The following CHD6 variants were observed in gnomAD, a reference collection of about 807,000 sequenced individuals.
The protein encoded by CHD6 is chromodomain helicase DNA binding protein 6, also known as ATP-dependent chromatin remodeler CHD6.
Under a neutral mutation model 276.9 loss-of-function variants are expected in CHD6, and 50 were observed. The ratio of observed to expected loss-of-function variants is 0.18; its 90% confidence interval spans 0.14 to 0.23. The LOEUF (loss-of-function observed/expected upper bound fraction) is 0.23, where lower values mean the gene tolerates loss of function less well. Among genes scored for constraint, CHD6 ranks in the 10% least tolerant of loss-of-function variants. The pLI is 1.00. For synonymous variants in CHD6, 1,173 were observed against 1,229.3 expected (o/e 0.95, Z 0.96); for missense variants, 2,564 against 3,365.8 (o/e 0.76, Z 5.89).
chr20:41,476,791 A>G (rs529189735), intron 16 of CHD6, among the ~76,000 whole-genome samples: 1 of 152,214 alleles, frequency 6.6e-6, no homozygotes, highest in Admixed American at 6.5e-5. Flanking sequence ...GTCTAAAAAA[A>G]TAAAGAAAGA....
At chr20:41,561,670 T>C (rs2045302876) in intron 1 of CHD6, among the ~76,000 whole-genome samples, 1 of 152,214 alleles carries the variant, frequency 6.6e-6, no homozygotes, top group African/African-American at 2.4e-5. Flanking sequence ...ATGTAAGTTT[T>C]TAAGACCTTC....
chr20:41,402,809 TAGAG>T lies in CHD6; in HGVS notation c.*1780_*1783del, dbSNP rs1360938446. On this transcript the variant is annotated 3_prime_UTR_variant, in exon 37 of 37. Transcript: ENST00000373233. ...AAAACTGAACAAAATGTTAGTTAAA[TAGAG>T]AGAGCAGCATTTCTAAGAAATCTGT... 4 of 210,020 alleles carry T rather than the reference TAGAG, an allele frequency of 1.9e-5. No homozygotes were observed. The highest frequency in any genetic ancestry group is 2.9e-5 in the Non-Finnish European group (3 of 103,452). The allele number at this position is 210,020 out of a possible 1,614,324, so 13.0% of individuals were successfully genotyped here.
chr20:41,565,651 A>AGGACAATAATTAGAT (rs1555807774), intron 1 of CHD6, among the ~76,000 whole-genome samples: 1 of 151,746 alleles, frequency 6.6e-6, no homozygotes, highest in African/African-American at 2.4e-5. Context: ...TTGACTCCGA[A>AGGACAATAATTAGAT]GTACAATAAT....
rs528807040 is a variant in CHD6, at chr20:41,489,632, A to G, written c.1680+146T>C. 3 of 983,430 alleles carry G rather than the reference A, an allele frequency of 3.1e-6. No homozygotes were observed. The South Asian group carries it at 4.5e-5, about 15-fold the overall frequency. The allele number at this position is 983,430 out of a possible 1,614,324, so 60.9% of individuals were successfully genotyped here. Reference sequence around the variant, plus strand: ...TAAATTAAAACGAGCTACCAGGGAGAGCAGGAGTCAGCCTTGACAAACATA... The same window carrying G: ...TAAATTAAAACGAGCTACCAGGGAGGGCAGGAGTCAGCCTTGACAAACATA... On this transcript the variant is annotated intron_variant, in intron 12 of 36. Coordinates refer to ENST00000373233, the MANE Select transcript of CHD6 (RefSeq NM_032221.5).
intron 1 of CHD6, among the ~76,000 whole-genome samples, chr20:41,554,187 T>G (rs1173907336): frequency 6.6e-6 from 1 of 152,030 alleles, no homozygotes. Flanking sequence ...ACTCTACCAA[T>G]GTTAATAAAA....
chr20:41,448,021 CT>C, intron 23 of CHD6, 50 bp from the exon 24 acceptor site: 1 of 1,043,606 alleles, frequency 9.6e-7, no homozygotes, highest in Non-Finnish European at 1.4e-6. Flanking sequence ...CCATAACTGT[CT>C]GTGAACCACA....
intron 11 of CHD6, among the ~76,000 whole-genome samples, chr20:41,491,317 T>A (rs1012451828): frequency 8.8e-5 from 13 of 148,344 alleles, no homozygotes; most frequent in Non-Finnish European, 1.9e-4. Flanking sequence ...TATATATATA[T>A]TCCTATAAAT....
In CHD6 at chr20:41,445,784, T is replaced by C. The variant is rs1190339850; in HGVS notation, c.3774-16A>G. ...ATCCAGCTCCCTAGGGAAGGAAGGG[T>C]GTAGACTCAAAACAACACAAAAGCT... is the stretch of plus-strand genomic sequence containing the variant. On this transcript the variant is annotated splice_polypyrimidine_tract_variant and intron_variant, in intron 24 of 36. Transcript: ENST00000373233. 12 of 1,556,358 alleles carry C rather than the reference T, an allele frequency of 7.7e-6. No individual in the cohort carries two copies. Among genetic ancestry groups the C allele is most frequent in the Non-Finnish European group, 9.8e-6 (11 of 1,127,738 alleles).
intron 1 of CHD6, among the ~76,000 whole-genome samples, chr20:41,589,540 G>A (rs2045633224): frequency 6.6e-6 from 1 of 152,184 alleles, no homozygotes; most frequent in South Asian, 2.1e-4. Flanking sequence ...GAAAATCAAT[G>A]TGCAAAAATC....
intron 17 of CHD6, among the ~76,000 whole-genome samples, chr20:41,458,066 T>A (rs1041702310): frequency 6.6e-6 from 1 of 152,188 alleles, no homozygotes; most frequent in Non-Finnish European, 1.5e-5. Context: ...AACAGGTACC[T>A]TTATTTCCTG....
At chr20:41,572,233 G>T (rs1011160594) in intron 1 of CHD6, among the ~76,000 whole-genome samples, 70 of 152,178 alleles carry the variant, frequency 4.6e-4, no homozygotes, top group African/African-American at 1.7e-3. Context: ...GCAGGAAGAA[G>T]GGAGCTTGTC....
At chr20:41,557,279 G>A (rs949868981) in intron 1 of CHD6, among the ~76,000 whole-genome samples, 1 of 152,166 alleles carries the variant, frequency 6.6e-6, no homozygotes, top group African/African-American at 2.4e-5. Flanking sequence ...TTCACAAGAA[G>A]GTAAGCTGCT....
Position 41,452,745 on chromosome 20 carries a change from G to C in CHD6, c.3318C>G (p.Ile1106Met), listed in dbSNP as rs767113174. The change falls in exon 21 of 37, where the codon ATC becomes ATG. Residue 1106 changes from isoleucine (I) to methionine (M), a missense_variant. Coordinates refer to ENST00000373233, the MANE Select transcript of CHD6 (RefSeq NM_032221.5). This position sits in a 1 kb window ranked among gnomAD's most constrained non-coding sequence, Gnocchi z 4.2. ...TAAGCAGAGCCAATACCCACCCAAA[G>C]ATGAGCAGGTTCTTCTCTACCCGGA... is the stretch of plus-strand genomic sequence containing the variant. Reference protein sequence around the residue: ...ECFRVEKNLLIFGWGRWKDIL... With the variant: ...ECFRVEKNLLMFGWGRWKDIL... 177 of 1,612,828 alleles carry C rather than the reference G, an allele frequency of 1.1e-4. No homozygotes were observed. The highest frequency in any genetic ancestry group is 1.4e-4 in the Non-Finnish European group (171 of 1,179,680).
intron 5 of CHD6, among the ~76,000 whole-genome samples, chr20:41,504,396 C>G (rs1390259206): frequency 7.5e-6 from 1 of 133,752 alleles, no homozygotes; most frequent in Non-Finnish European, 1.6e-5. Flanking sequence ...ATCTTTTCCT[C>G]TATTTTCTTT....
intron 2 of CHD6, among the ~76,000 whole-genome samples, chr20:41,535,625 G>T (rs1172371469): frequency 6.6e-6 from 1 of 152,282 alleles, no homozygotes; most frequent in East Asian, 1.9e-4. Context: ...TTGGGAGGCT[G>T]AGGTGGGAGA....
chr20:41,549,086 G>A (rs942664520), intron 2 of CHD6, among the ~76,000 whole-genome samples: 19 of 151,972 alleles, frequency 1.3e-4, no homozygotes, highest in East Asian at 1.9e-4. Flanking sequence ...TCAGTGTGGC[G>A]ATTCCTCAGG....
At position 41,604,447 on chromosome 20, in the gene CHD6, A is replaced by T. The variant is rs113856123; in HGVS notation, c.-24+13893T>A. 7.6e-3 allele frequency among the ~76,000 whole-genome samples: 1,157 copies of T among 152,324 alleles called. 18 individuals carry two copies. Among genetic ancestry groups the T allele is most frequent in the African/African-American group, 0.026 (1,094 of 41,580 alleles). ...GAACTACATAATGACTGGTCATGAA[A>T]ATCAGTGGTCCTCAAGGAATAGCAG... On this transcript the variant is annotated intron_variant, in intron 1 of 36. Coordinates refer to ENST00000373233, the MANE Select transcript of CHD6 (RefSeq NM_032221.5).
At chr20:41,553,091 T>C (rs2045170111) in intron 1 of CHD6, among the ~76,000 whole-genome samples, 1 of 152,184 alleles carries the variant, frequency 6.6e-6, no homozygotes, top group Non-Finnish European at 1.5e-5. Context: ...ATTATGTTAG[T>C]ACAAGTTTAT....
intron 6 of CHD6, among the ~76,000 whole-genome samples, chr20:41,498,811 ATGTGTG>A (rs71193638): frequency 1.5e-3 from 133 of 86,604 alleles, no homozygotes; most frequent in Non-Finnish European, 2.2e-3. Context: ...GTATGTATGT[ATGTGTG>A]TGTGTGTGTG....
Sources: allele counts gnomAD v4.1 joint callset (sites outside exome capture counted in the v4.1 genomes callset), GRCh38; gene constraint gnomAD v4.1.1; non-coding constraint Gnocchi (gnomAD v3.1); transcripts MANE v1.5; gene names NCBI Gene and HGNC (gene_info 2026-07-23, HGNC 2026-07-21).